The following NUFIP1 variants were observed in gnomAD, a reference collection of about 807,000 sequenced individuals.
NUFIP1 encodes FMR1-interacting protein NUFIP1.
A neutral mutation model predicts 56.2 loss-of-function variants in NUFIP1; 38 were observed. The ratio of observed to expected loss-of-function variants is 0.68; its 90% CI spans 0.52 to 0.89. The LOEUF (loss-of-function observed/expected upper bound fraction) is 0.89, where lower values mean the gene tolerates loss of function less well. NUFIP1 is among the 40% of genes least tolerant of loss of function. NUFIP1 has a pLI of 0.00. For missense variants in NUFIP1, 567 were observed against 605.8 expected, an observed-to-expected ratio of 0.94 and a Z score of 0.67; for synonymous variants, 215 against 212.4, an observed-to-expected ratio of 1.01 and a Z score of -0.10.
At chr13:44,960,624 T>G (rs1871392325) in intron 6 of NUFIP1, among the ~76,000 whole-genome samples, 1 of 152,226 alleles carries the variant, frequency 6.6e-6, no homozygotes, top group Admixed American at 6.5e-5. Context: ...TATGACTTGT[T>G]GGACCTTCAT....
chr13:44,959,763 TAGA>T (rs1392438432), intron 6 of NUFIP1, among the ~76,000 whole-genome samples, 189 bp from the exon 7 acceptor site: 2 of 152,086 alleles, frequency 1.3e-5, no homozygotes, highest in African/African-American at 4.8e-5. Context: ...GATAGAACTT[TAGA>T]AGGACAGCAC....
intron 7 of NUFIP1, among the ~76,000 whole-genome samples, chr13:44,953,227 G>T (rs547735326): frequency 6.6e-5 from 10 of 152,064 alleles, no homozygotes; most frequent in Non-Finnish European, 1.0e-4. Flanking sequence ...GAATATCAAA[G>T]AATTTTCGAC....
rs559181082 is a variant in NUFIP1 at position 44,966,362 on chromosome 13, T to A, written c.735-426A>T. Reference sequence around the variant, plus strand: ...CGGAGTCTCGTTCTGTCACCCAGGCTGGAGTGCAATGGTGCGATCTCAGCT... The same window carrying A: ...CGGAGTCTCGTTCTGTCACCCAGGCAGGAGTGCAATGGTGCGATCTCAGCT... On this transcript the variant is annotated intron_variant, in intron 5 of 9. Coordinates refer to ENST00000379161, the MANE Select transcript of NUFIP1 (RefSeq NM_012345.3). Among the ~76,000 whole-genome samples the A allele has an allele frequency of 1.1e-4, 16 of 152,316 alleles. No individual in the cohort carries two copies. The East Asian group carries it at 2.9e-3, about 28-fold the overall frequency.
intron 7 of NUFIP1, among the ~76,000 whole-genome samples, chr13:44,953,967 T>G (rs1362304379): frequency 6.6e-6 from 1 of 152,022 alleles, no homozygotes; most frequent in African/African-American, 2.4e-5. Context: ...AATACTGTCC[T>G]TTTGGCACTC....
chr13:44,951,951 T>C (rs1398525879), intron 7 of NUFIP1, among the ~76,000 whole-genome samples: 1 of 152,208 alleles, frequency 6.6e-6, no homozygotes, highest in Non-Finnish European at 1.5e-5. Context: ...CACTAAAGGC[T>C]GGGGTGACTG....
chr13:44,949,637 A>G, intron 8 of NUFIP1, 85 bp downstream of exon 8: 4 of 746,984 alleles, frequency 5.4e-6, no homozygotes, highest in Admixed American at 2.6e-5. Flanking sequence ...AAGGATGCAC[A>G]TCCTGGATGT....
chr13:44,944,125 T>A (rs1260220724), intron 8 of NUFIP1, among the ~76,000 whole-genome samples: 1 of 152,208 alleles, frequency 6.6e-6, no homozygotes, highest in Non-Finnish European at 1.5e-5. Context: ...AGAAGGAATA[T>A]GTAAGTAGTA....
At position 44,965,861 on chromosome 13, in the gene NUFIP1, C is replaced by G. The variant is rs755436045; in HGVS notation, c.810G>C (p.Leu270Phe). ...GAGCTTACCCATATTGTGTTGTTGT[C>G]AATACTGCTCCTCTCTTCTCCTTTT... ...KLEKEKRGAV[L>F]TTTQYGKMKG... Residue 270 changes from leucine (L) to phenylalanine (F), a missense_variant, in exon 6 of 10, where the codon TTG becomes TTC. Leu to Phe is a conservative substitution (Grantham distance 22, BLOSUM62 0). Coordinates refer to ENST00000379161, the MANE Select transcript of NUFIP1 (RefSeq NM_012345.3). 29 of 1,596,928 alleles carry G rather than the reference C, an allele frequency of 1.8e-5. No homozygotes were observed. Among genetic ancestry groups the G allele is most frequent in the Non-Finnish European group, 1.8e-5 (21 of 1,173,078 alleles).
At chr13:44,977,032 A>G (rs1593368855) in intron 5 of NUFIP1, among the ~76,000 whole-genome samples, 1 of 152,120 alleles carries the variant, frequency 6.6e-6, no homozygotes, top group Non-Finnish European at 1.5e-5. Flanking sequence ...GTTTCCAACA[A>G]ATGAACTTTT....
intron 4 of NUFIP1, among the ~76,000 whole-genome samples, chr13:44,979,577 A>C (rs1338292309): frequency 2.0e-5 from 3 of 152,208 alleles, no homozygotes; most frequent in African/African-American, 7.2e-5. Context: ...GAGGCCACTA[A>C]AGATATGAGT....
At chr13:44,973,350 T>C (rs2137916752) in intron 5 of NUFIP1, among the ~76,000 whole-genome samples, 1 of 152,306 alleles carries the variant, frequency 6.6e-6, no homozygotes, top group Non-Finnish European at 1.5e-5. Flanking sequence ...ATTAATCATA[T>C]CAAAATATTT....
chr13:44,958,553 C>T (rs376636297), intron 7 of NUFIP1, among the ~76,000 whole-genome samples: 19 of 152,286 alleles, frequency 1.2e-4, no homozygotes, highest in South Asian at 8.3e-4. Context: ...TTTCTTGCCA[C>T]TCGTAAGTTC....
intron 7 of NUFIP1, among the ~76,000 whole-genome samples, chr13:44,953,092 T>C (rs1340141484): frequency 1.3e-5 from 2 of 152,202 alleles, no homozygotes; most frequent in African/African-American, 2.4e-5. Context: ...GACCACTTTA[T>C]GGTCTGCCTG....
At chr13:44,973,831 C>T (rs78412669) in intron 5 of NUFIP1, among the ~76,000 whole-genome samples, 4,390 of 152,072 alleles carry the variant, frequency 0.029, 235 homozygotes, top group African/African-American at 0.1. Flanking sequence ...AGCAGCAGCA[C>T]GAACAAAACT....
chr13:44,949,380 T>G (rs1168957021), intron 8 of NUFIP1, among the ~76,000 whole-genome samples: 1 of 151,308 alleles, frequency 6.6e-6, no homozygotes, highest in South Asian at 2.1e-4. Flanking sequence ...TTTTTGTATT[T>G]TTAGTAGAGA....
Position 44,989,374 on chromosome 13 carries a change from A to T in NUFIP1, c.63T>A (p.Thr21=), listed in dbSNP as rs1566067854. 6.2e-7 allele frequency: 1 copy of T among 1,613,480 alleles called. No individual in the cohort carries two copies. The highest frequency in any genetic ancestry group is 8.5e-7 in the Non-Finnish European group (1 of 1,179,890). ...TGTCGCTCAGGGGCCCTAACGTGGGAGTCAGCTCGGGAGACGCATGCCACC... is the reference window on the plus strand; with the variant it reads ...TGTCGCTCAGGGGCCCTAACGTGGGTGTCAGCTCGGGAGACGCATGCCACC... ...PIGWHASPEL[T]PTLGPLSDTA... Residue 21 remains threonine, a synonymous_variant, in exon 1 of 10, where the codon ACT becomes ACA. Coordinates refer to ENST00000379161, the MANE Select transcript of NUFIP1 (RefSeq NM_012345.3).
In NUFIP1 at chr13:44,985,712, T is replaced by G. The variant is rs183122369; in HGVS notation, c.412+3313A>C. ...AACTTTATAAATGCTGTGTATGTTC[T>G]AACTGCTCTACCAACCGGTGGTTCT... On this transcript the variant is annotated intron_variant, in intron 1 of 9. Transcript: ENST00000379161. 3.0e-3 allele frequency among the ~76,000 whole-genome samples: 456 copies of G among 152,372 alleles called. 2 individuals are homozygous for G. The highest frequency in any genetic ancestry group is 9.7e-3 in the African/African-American group (404 of 41,592).
intron 7 of NUFIP1, among the ~76,000 whole-genome samples, chr13:44,951,299 T>A (rs1415682001): frequency 6.6e-6 from 1 of 152,170 alleles, no homozygotes; most frequent in East Asian, 1.9e-4. Context: ...TAACAAAAAG[T>A]ACAGTAATAG....
rs180759072 is a variant in NUFIP1, at chr13:44,984,179, C to T, written c.413-2025G>A. On this transcript the variant is annotated intron_variant, in intron 1 of 9. Coordinates refer to ENST00000379161, the MANE Select transcript of NUFIP1 (RefSeq NM_012345.3). ...GAAACATCTCTTCCCAAATTCTATACATCTCCTAAGACACTTCTTCCAAAA... is the reference window on the plus strand; with the variant it reads ...GAAACATCTCTTCCCAAATTCTATATATCTCCTAAGACACTTCTTCCAAAA... Among the ~76,000 whole-genome samples, 124 of 152,324 alleles carry T rather than the reference C, an allele frequency of 8.1e-4. 3 individuals carry two copies. In the East Asian group the frequency reaches 0.02, roughly 24 times the overall value.
Sources: allele counts gnomAD v4.1 joint callset (sites outside exome capture counted in the v4.1 genomes callset), GRCh38; gene constraint gnomAD v4.1.1; transcripts MANE v1.5; gene names NCBI Gene and HGNC (gene_info 2026-07-23, HGNC 2026-07-21).